NAALADL2: variants seen among roughly 807,000 people sequenced by gnomAD.
NAALADL2 encodes the protein inactive N-acetylated-alpha-linked acidic dipeptidase-like protein 2.
Under a neutral mutation model 87.2 loss-of-function variants are expected in NAALADL2, and 76 were observed. The ratio of observed to expected loss-of-function variants is 0.87; its 90% CI spans 0.72 to 1.05. The LOEUF (loss-of-function observed/expected upper bound fraction) is 1.05. Among genes scored for constraint, NAALADL2 ranks in the 50% least tolerant of loss-of-function variants. NAALADL2 has a pLI of 0.00. For missense variants in NAALADL2, 1,089 were observed against 945.8 expected, an observed-to-expected ratio of 1.15 and a Z score of -1.99; for synonymous variants, 354 against 331.0, an observed-to-expected ratio of 1.07 and a Z score of -0.75.
intron 2 of NAALADL2, among the ~76,000 whole-genome samples, chr3:174,660,730 T>C (rs1303383555): frequency 6.6e-6 from 1 of 152,110 alleles, no homozygotes; most frequent in Non-Finnish European, 1.5e-5. Context: ...TACATTGTAC[T>C]TTTTTAATAA....
chr3:174,734,888 T>TA (rs1733043037), intron 2 of NAALADL2, among the ~76,000 whole-genome samples: 1 of 152,110 alleles, frequency 6.6e-6, no homozygotes, highest in Non-Finnish European at 1.5e-5. Context: ...ATGTAAAGCT[T>TA]AAGGAAGATG....
intron 2 of NAALADL2, among the ~76,000 whole-genome samples, chr3:175,217,592 A>T (rs1472193190): frequency 3.3e-5 from 5 of 152,198 alleles, no homozygotes; most frequent in Non-Finnish European, 5.9e-5. Flanking sequence ...GTTGGTACTT[A>T]TTTCTCAAGT....
intron 2 of NAALADL2, among the ~76,000 whole-genome samples, chr3:174,689,968 T>C (rs1267546524): frequency 4.9e-5 from 5 of 101,422 alleles, no homozygotes; most frequent in African/African-American, 7.4e-5. Context: ...TCCTTGATCT[T>C]CTAAAAAAAA....
At chr3:174,518,937 C>T in intron 1 of NAALADL2, among the ~76,000 whole-genome samples, 1 of 152,046 alleles carries the variant, frequency 6.6e-6, no homozygotes. Flanking sequence ...AAGGCAAAAG[C>T]TCAATGATTT....
At chr3:174,656,917 AAGTT>A (rs1724996417) in intron 2 of NAALADL2, among the ~76,000 whole-genome samples, 1 of 152,080 alleles carries the variant, frequency 6.6e-6, no homozygotes, top group Non-Finnish European at 1.5e-5. Context: ...CGAAAAGAGT[AAGTT>A]AGGATAAATC....
At chr3:174,554,752 G>T (rs982947780) in intron 2 of NAALADL2, among the ~76,000 whole-genome samples, 3 of 151,764 alleles carry the variant, frequency 2.0e-5, no homozygotes, top group African/African-American at 7.3e-5. Flanking sequence ...ATTTTTTGTA[G>T]TCATATATAC....
intron 3 of NAALADL2, among the ~76,000 whole-genome samples, chr3:174,775,466 T>C (rs1715093698): frequency 2.0e-5 from 3 of 152,218 alleles, no homozygotes. Context: ...ATATAGCATG[T>C]ATCAGTATTT....
At chr3:174,516,025 A>G (rs1435863519) in intron 1 of NAALADL2, among the ~76,000 whole-genome samples, 4 of 152,052 alleles carry the variant, frequency 2.6e-5, no homozygotes, top group African/African-American at 9.6e-5. Flanking sequence ...TTTTGCTACC[A>G]GAATGCCATA....
intron 9 of NAALADL2, among the ~76,000 whole-genome samples, chr3:175,525,199 T>C (rs1474713489): frequency 2.0e-5 from 3 of 152,152 alleles, no homozygotes; most frequent in Non-Finnish European, 4.4e-5. Context: ...TAATTTTTCA[T>C]TTTTTAACAC....
chr3:175,022,844 C>T (rs1211633913), intron 1 of NAALADL2, among the ~76,000 whole-genome samples: 2 of 146,300 alleles, frequency 1.4e-5, no homozygotes, highest in African/African-American at 2.6e-5. Context: ...TTCATCCATC[C>T]ACTTGAAAAT....
At chr3:174,551,810 CT>C (rs1415877542) in intron 2 of NAALADL2, among the ~76,000 whole-genome samples, 1 of 152,098 alleles carries the variant, frequency 6.6e-6, no homozygotes, top group East Asian at 1.9e-4. Flanking sequence ...AACTGGTTAG[CT>C]TTTTCATGCT....
intron 1 of NAALADL2, among the ~76,000 whole-genome samples, chr3:175,015,832 G>T (rs559265042): frequency 2.0e-5 from 3 of 151,858 alleles, no homozygotes; most frequent in Non-Finnish European, 4.4e-5. Flanking sequence ...ATAAAAATAA[G>T]TAATTTATGA....
At chr3:174,997,319 C>T (rs1747634047) in intron 1 of NAALADL2, among the ~76,000 whole-genome samples, 1 of 152,042 alleles carries the variant, frequency 6.6e-6, no homozygotes, top group Non-Finnish European at 1.5e-5. Context: ...CCTTTCATTA[C>T]ATCCACACCA....
At chr3:174,572,589 T>G (rs1187307489) in intron 2 of NAALADL2, among the ~76,000 whole-genome samples, 1 of 152,208 alleles carries the variant, frequency 6.6e-6, no homozygotes, top group African/African-American at 2.4e-5. Flanking sequence ...AAGGATATTA[T>G]TTGTTACACA....
At chr3:174,757,448 C>G (rs765121648) in intron 3 of NAALADL2, among the ~76,000 whole-genome samples, 6 of 151,906 alleles carry the variant, frequency 3.9e-5, no homozygotes, top group Non-Finnish European at 8.8e-5. Flanking sequence ...AAAAGAGATG[C>G]TTTGGTTTTC....
At chr3:175,455,920 C>T (rs1290463242) in intron 6 of NAALADL2, among the ~76,000 whole-genome samples, 1 of 151,964 alleles carries the variant, frequency 6.6e-6, no homozygotes, top group Non-Finnish European at 1.5e-5. Context: ...GAAAGGGACT[C>T]AAGTATATAT....
At chr3:174,622,871 T>C (rs1021109761) in intron 2 of NAALADL2, among the ~76,000 whole-genome samples, 2 of 151,848 alleles carry the variant, frequency 1.3e-5, no homozygotes, top group Admixed American at 6.6e-5. Flanking sequence ...AAACCCCGCC[T>C]CTACTAAAAA....
intron 2 of NAALADL2, among the ~76,000 whole-genome samples, chr3:174,610,831 C>T (rs909435748): frequency 6.6e-6 from 1 of 152,104 alleles, no homozygotes; most frequent in Non-Finnish European, 1.5e-5. Flanking sequence ...ACCCAAAGGA[C>T]TATAAATCAT....
chr3:175,656,959 T>C (rs955169965), intron 11 of NAALADL2, among the ~76,000 whole-genome samples: 1 of 152,194 alleles, frequency 6.6e-6, no homozygotes, highest in African/African-American at 2.4e-5. Flanking sequence ...ATGTTGGACG[T>C]AGAAACTTCG....
Sources: gnomAD v4.1 joint callset for allele counts (sites outside exome capture counted in the v4.1 genomes callset) on GRCh38, gnomAD v4.1.1 for gene constraint, MANE v1.5 for transcripts, NCBI Gene and HGNC (gene_info 2026-07-23, HGNC 2026-07-21) for gene names.